Variants in DNAJC24 observed in about 807,000 individuals in gnomAD.
DNAJC24 encodes dnaJ homolog subfamily C member 24.
In DNAJC24, 17 loss-of-function variants were observed where a neutral mutation model predicts 18.0. The ratio of observed to expected loss-of-function variants is 0.94; its 90% CI spans 0.65 to 1.42. DNAJC24 has a LOEUF of 1.42. DNAJC24 is among the 40% of genes most tolerant of loss of function. DNAJC24 has a pLI of 0.00. For missense variants in DNAJC24, 158 were observed against 175.6 expected (o/e 0.90, Z 0.57); for synonymous variants, 55 against 57.7 (o/e 0.95, Z 0.21).
intron 3 of DNAJC24, among the ~76,000 whole-genome samples, chr11:31,418,337 T>C (rs567819725): frequency 6.6e-6 from 1 of 152,224 alleles, no homozygotes; most frequent in South Asian, 2.1e-4. Flanking sequence ...GTTGAGTAGA[T>C]TTTGTTGCCT....
intron 4 of DNAJC24, among the ~76,000 whole-genome samples, chr11:31,428,525 G>C (rs1158968962): frequency 6.6e-6 from 1 of 152,086 alleles, no homozygotes; most frequent in Non-Finnish European, 1.5e-5. Flanking sequence ...ATCCCTTTAG[G>C]ATCATTTGCA....
intron 2 of DNAJC24, among the ~76,000 whole-genome samples, chr11:31,392,424 C>A (rs1952506237): frequency 1.3e-5 from 2 of 152,072 alleles, no homozygotes; most frequent in Non-Finnish European, 2.9e-5. Flanking sequence ...TCATAAGGCC[C>A]ACTCCTAGTA....
In DNAJC24 at chr11:31,414,910, A is replaced by C; in HGVS notation, c.211A>C (p.Asn71His). Residue 71 changes from asparagine to histidine, a missense_variant, in exon 3 of 5, where the codon AAT becomes CAT. Coordinates refer to ENST00000465995, the MANE Select transcript of DNAJC24 (RefSeq NM_181706.5). ...TGATCAAGCATGGAAAATTCTAGGAAATGAAGAGACAAAAAGAGAGTATGA... is the reference window on the plus strand; with the variant it reads ...TGATCAAGCATGGAAAATTCTAGGACATGAAGAGACAAAAAGAGAGTATGA... ...EIDQAWKILGNEETKREYDLQ... is the reference protein window; with the variant it reads ...EIDQAWKILGHEETKREYDLQ... 6.2e-7 allele frequency: 1 copy of C among 1,614,066 alleles called. No individual in the cohort carries two copies. Among genetic ancestry groups the C allele is most frequent in the East Asian group, 2.2e-5 (1 of 44,854 alleles).
At chr11:31,409,384 A>C (rs910252292) in intron 2 of DNAJC24, among the ~76,000 whole-genome samples, 2 of 152,158 alleles carry the variant, frequency 1.3e-5, no homozygotes, top group African/African-American at 4.8e-5. Context: ...AAGTTCCCTC[A>C]TGCCCCTCTT....
intron 2 of DNAJC24, among the ~76,000 whole-genome samples, chr11:31,390,321 G>A (rs370250130): frequency 1.7e-4 from 25 of 151,036 alleles, no homozygotes; most frequent in Admixed American, 3.3e-4. Flanking sequence ...GCTTGAACCC[G>A]GGAGGTGGAG....
At chr11:31,427,838 G>C (rs914023743) in intron 4 of DNAJC24, 1 of 150,946 alleles carries the variant, frequency 6.6e-6, no homozygotes, top group Admixed American at 6.6e-5. Context: ...TTTTAAATGA[G>C]AATACGGGCT....
At chr11:31,384,617 C>T (rs1345135206) in intron 2 of DNAJC24, 1 of 152,156 alleles carries the variant, frequency 6.6e-6, no homozygotes, top group African/African-American at 2.4e-5. Context: ...GTTACATAGC[C>T]CTTGACCCAT....
Position 31,370,708 on chromosome 11 carries a change from C to T in DNAJC24, c.-33-8C>T. 2 of 1,346,690 alleles carry T rather than the reference C, an allele frequency of 1.5e-6. No homozygotes were observed. The highest frequency in any genetic ancestry group is 2.1e-6 in the Non-Finnish European group (2 of 964,350). 83.4% of individuals were successfully genotyped at this position (1,346,690 alleles called of 1,614,324 possible). A position where few individuals can be genotyped will look rare whatever the true frequency, so the allele number is the denominator to read the frequency against. On this transcript the variant is annotated splice_polypyrimidine_tract_variant and splice_region_variant and intron_variant, in intron 1 of 4. Coordinates refer to ENST00000465995, the MANE Select transcript of DNAJC24 (RefSeq NM_181706.5). ...CTGTGATGAATTGTCATTAATATTT[C>T]TATTCAGCTAATCTGAGAAGGCCCA...
At chr11:31,382,840 A>C (rs970136118) in intron 2 of DNAJC24, among the ~76,000 whole-genome samples, 3 of 151,602 alleles carry the variant, frequency 2.0e-5, no homozygotes, top group African/African-American at 7.3e-5. Context: ...TTACCATAAG[A>C]CTCCCCTCCA....
chr11:31,375,594 T>C (rs1952305576), intron 2 of DNAJC24, among the ~76,000 whole-genome samples: 1 of 134,510 alleles, frequency 7.4e-6, no homozygotes. Context: ...AGGAATAGGA[T>C]CTGAATCATA....
chr11:31,393,751 A>G (rs916233632), intron 2 of DNAJC24, among the ~76,000 whole-genome samples: 2 of 152,170 alleles, frequency 1.3e-5, no homozygotes, highest in Non-Finnish European at 2.9e-5. Context: ...CCAGTCTCAG[A>G]TATTTTGTTA....
chr11:31,417,956 A>G (rs778892145), intron 3 of DNAJC24, among the ~76,000 whole-genome samples: 1 of 152,110 alleles, frequency 6.6e-6, no homozygotes, highest in Non-Finnish European at 1.5e-5. Flanking sequence ...CAGATAACCC[A>G]AAGTATTGCA....
intron 3 of DNAJC24, among the ~76,000 whole-genome samples, chr11:31,423,858 A>T (rs2133504467): frequency 6.6e-6 from 1 of 152,274 alleles, no homozygotes; most frequent in Admixed American, 6.5e-5. Flanking sequence ...ATTTTTGTGT[A>T]TTCTCTTTTC....
chr11:31,417,906 T>C (rs1952765359), intron 3 of DNAJC24, among the ~76,000 whole-genome samples: 1 of 152,066 alleles, frequency 6.6e-6, no homozygotes. Context: ...GAAATGATCA[T>C]ATGTGTTCTT....
chr11:31,395,879 C>A (rs946811623), intron 2 of DNAJC24, among the ~76,000 whole-genome samples: 1 of 152,150 alleles, frequency 6.6e-6, no homozygotes, highest in Non-Finnish European at 1.5e-5. Context: ...GAACCAGAAT[C>A]AAAACTCAGT....
At chr11:31,401,639 T>A (rs1952602449) in intron 2 of DNAJC24, among the ~76,000 whole-genome samples, 2 of 152,106 alleles carry the variant, frequency 1.3e-5, no homozygotes, top group South Asian at 4.2e-4. Context: ...CAGTCAGTGG[T>A]AGAGTGATAT....
At chr11:31,387,456 T>C (rs1952440653) in intron 2 of DNAJC24, among the ~76,000 whole-genome samples, 3 of 152,164 alleles carry the variant, frequency 2.0e-5, no homozygotes, top group Admixed American at 2.0e-4. Flanking sequence ...AGAGCCTGGC[T>C]AGTAATCCAG....
At chr11:31,407,804 T>C (rs1952670724) in intron 2 of DNAJC24, among the ~76,000 whole-genome samples, 1 of 150,782 alleles carries the variant, frequency 6.6e-6, no homozygotes. Context: ...TAATTTTACA[T>C]GCTTCATTTC....
At chr11:31,392,300 C>T (rs541194223) in intron 2 of DNAJC24, among the ~76,000 whole-genome samples, 6 of 152,166 alleles carry the variant, frequency 3.9e-5, no homozygotes, top group African/African-American at 1.4e-4. Context: ...GTGATGGTTA[C>T]CCCATTTACC....
Sources: allele counts gnomAD v4.1 joint callset (sites outside exome capture counted in the v4.1 genomes callset), GRCh38; gene constraint gnomAD v4.1.1; transcripts MANE v1.5; gene names NCBI Gene and HGNC (gene_info 2026-07-23, HGNC 2026-07-21).